The following ZC3HC1 variants were observed in gnomAD, a reference collection of about 807,000 sequenced individuals.
ZC3HC1 encodes zinc finger C3HC-type protein 1.
Under a neutral mutation model 61.9 loss-of-function variants are expected in ZC3HC1, and 38 were observed. The observed-to-expected ratio is 0.61, with a 90% CI of 0.47 to 0.81. ZC3HC1 has a LOEUF of 0.81. ZC3HC1 is among the 30% of genes least tolerant of loss of function. The pLI, the probability that ZC3HC1 is intolerant of heterozygous loss-of-function variation, is 0.00. For synonymous variants in ZC3HC1, 213 were observed against 229.9 expected, an observed-to-expected ratio of 0.93 and a Z score of 0.67; for missense variants, 554 against 622.7, an observed-to-expected ratio of 0.89 and a Z score of 1.17.
intron 4 of ZC3HC1, among the ~76,000 whole-genome samples, chr7:130,037,231 G>A (rs940908209): frequency 1.3e-5 from 2 of 152,186 alleles, no homozygotes; most frequent in African/African-American, 4.8e-5. Context: ...ATCACTTGAC[G>A]TCAGGAGTTC....
Position 130,023,513 on chromosome 7 carries a change from A to C in ZC3HC1, c.1231T>G (p.Ser411Ala), listed in dbSNP as rs1244160102. ...TGCTACATGCGAGGTGGACTCACCGAACTGCTGGAGGAGCAGAGGCGAGCT... is the reference window on the plus strand; with the variant it reads ...TGCTACATGCGAGGTGGACTCACCGCACTGCTGGAGGAGCAGAGGCGAGCT... ...KRARLCSSSS[S>A]DTSSRSFFDP... The change falls in exon 8 of 10, where the codon TCG (serine) becomes GCG (alanine). Residue 411 changes from serine to alanine, a missense_variant and splice_region_variant. By Grantham distance (99) the Ser-to-Ala change is moderately conservative. Coordinates refer to ENST00000358303, the MANE Select transcript of ZC3HC1 (RefSeq NM_016478.5). The surrounding 1 kb of genome is among the most constrained non-coding windows in gnomAD (Gnocchi z 4.2). 3.1e-6 allele frequency: 5 copies of C among 1,613,928 alleles called. No homozygotes were observed. Among genetic ancestry groups the C allele is most frequent in the Non-Finnish European group, 3.4e-6 (4 of 1,180,020 alleles).
intron 3 of ZC3HC1, 69 bp downstream of exon 3, chr7:130,040,882 C>A: frequency 7.0e-7 from 1 of 1,427,760 alleles, no homozygotes; most frequent in Admixed American, 2.6e-5. Flanking sequence ...ACCTTTTTTC[C>A]CCCCCCAGAA....
In ZC3HC1 at chr7:130,049,014, A is replaced by G; in HGVS notation, c.258+19T>C. 2 of 1,577,640 alleles carry G rather than the reference A, an allele frequency of 1.3e-6. No homozygotes were observed. Among genetic ancestry groups the G allele is most frequent in the Non-Finnish European group, 8.6e-7 (1 of 1,159,638 alleles). Reference sequence around the variant, plus strand: ...GAAGCAGGCAGAAAGTGCAATTCACATGAACTAAAAAAGGATATAGAAAAT... The same window carrying G: ...GAAGCAGGCAGAAAGTGCAATTCACGTGAACTAAAAAAGGATATAGAAAAT... On this transcript the variant is annotated intron_variant, in intron 2 of 9. Transcript: ENST00000358303.
intron 1 of ZC3HC1, among the ~76,000 whole-genome samples, chr7:130,050,840 C>T (rs1015788911): frequency 6.6e-6 from 1 of 152,052 alleles, no homozygotes. Context: ...CTTTATAATC[C>T]TATGTAATTT....
intron 6 of ZC3HC1, among the ~76,000 whole-genome samples, chr7:130,025,944 A>T (rs1793887682): frequency 6.6e-6 from 1 of 151,542 alleles, no homozygotes; most frequent in Admixed American, 6.6e-5. Flanking sequence ...AACAAAGTTC[A>T]GTTGTGAACA....
intron 6 of ZC3HC1, among the ~76,000 whole-genome samples, chr7:130,025,001 G>A (rs1011850682): frequency 1.5e-5 from 2 of 137,384 alleles, no homozygotes; most frequent in Admixed American, 8.4e-5. Context: ...CGCCTCCCAG[G>A]TTCAAGTGAT....
chr7:130,022,374 A>T lies in ZC3HC1; in HGVS notation c.1385T>A (p.Leu462Gln), dbSNP rs775295541. Residue 462 changes from leucine (L) to glutamine (Q), a missense_variant, in exon 9 of 10, where the codon CTG becomes CAG. By Grantham distance (113) the Leu-to-Gln change is moderately radical (BLOSUM62 -2). Coordinates refer to ENST00000358303, the MANE Select transcript of ZC3HC1 (RefSeq NM_016478.5). ...APAEPGWKAV[L>Q]TILLAHKQSS... is the part of the protein sequence containing the mutation. ...CTGTTTGTGCGCCAAGAGGATGGTC[A>T]GCACTGCTTTCCAGCCTGGCTCTGC... is the stretch of plus-strand genomic sequence containing the variant. The T allele has an allele frequency of 1.2e-6, 2 of 1,614,066 alleles. No individual in the cohort carries two copies. The highest frequency in any genetic ancestry group is 1.7e-4 in the Middle Eastern group (1 of 6,060).
intron 6 of ZC3HC1, among the ~76,000 whole-genome samples, chr7:130,025,000 G>A (rs1435948322): frequency 3.5e-5 from 5 of 143,038 alleles, no homozygotes; most frequent in Non-Finnish European, 7.5e-5. Flanking sequence ...CCGCCTCCCA[G>A]GTTCAAGTGA....
Position 130,040,986 on chromosome 7 carries a change from C to A in ZC3HC1, c.374G>T (p.Cys125Phe), listed in dbSNP as rs769749197. Residue 125 changes from cysteine (C) to phenylalanine (F), a missense_variant, in exon 3 of 10, where the codon TGT becomes TTT. By Grantham distance (205) the Cys-to-Phe change is radical. Coordinates refer to ENST00000358303, the MANE Select transcript of ZC3HC1 (RefSeq NM_016478.5). Reference protein sequence around the residue: ...LKCSSCQAFLCASLQPAFDFD... With the variant: ...LKCSSCQAFLFASLQPAFDFD... ...GTCAAAAGCTGGTTGTAAACTGGCA[C>A]AGAGAAAAGCTTGACAGCTAGAGCA... The A allele has an allele frequency of 6.2e-7, 1 of 1,612,704 alleles. No individual in the cohort carries two copies. Among genetic ancestry groups the A allele is most frequent in the South Asian group, 1.1e-5 (1 of 90,754 alleles).
chr7:130,036,114 T>G (rs1397748993), intron 4 of ZC3HC1, among the ~76,000 whole-genome samples: 3 of 138,844 alleles, frequency 2.2e-5, no homozygotes, highest in Non-Finnish European at 1.5e-5. Flanking sequence ...AATATGCCTG[T>G]TTTTTTTTTT....
At chr7:130,022,290 C>A (rs747637222) in intron 9 of ZC3HC1, 29 bp downstream of exon 9, 9 of 1,613,616 alleles carry the variant, frequency 5.6e-6, no homozygotes, top group Non-Finnish European at 7.6e-6. Context: ...GCAAGTGCTG[C>A]CCACACACAA....
At chr7:130,031,055 C>T (rs996035753) in intron 4 of ZC3HC1, among the ~76,000 whole-genome samples, 5 of 150,726 alleles carry the variant, frequency 3.3e-5, no homozygotes. Flanking sequence ...CCCAGCGGGG[C>T]GTGGTGGCTC....
At chr7:130,020,638 G>A (rs973702167) in intron 9 of ZC3HC1, among the ~76,000 whole-genome samples, 1 of 151,728 alleles carries the variant, frequency 6.6e-6, no homozygotes, top group Non-Finnish European at 1.5e-5. Context: ...CTTCGTCACA[G>A]CAGCTGTCAG....
intron 4 of ZC3HC1, 180 bp downstream of exon 4, chr7:130,039,284 C>T: frequency 1.7e-6 from 1 of 587,110 alleles, no homozygotes; most frequent in Non-Finnish European, 3.0e-6. Context: ...GCGAAGGTTG[C>T]AGTGAGCCAA....
chr7:130,033,430 C>T (rs1177075397), intron 4 of ZC3HC1, among the ~76,000 whole-genome samples: 1 of 145,282 alleles, frequency 6.9e-6, no homozygotes, highest in Non-Finnish European at 1.5e-5. Flanking sequence ...TTGTCTGTAG[C>T]ATTTCTATAG....
intron 2 of ZC3HC1, among the ~76,000 whole-genome samples, chr7:130,044,144 G>T (rs1156953371): frequency 2.0e-5 from 3 of 152,016 alleles, no homozygotes; most frequent in Non-Finnish European, 2.9e-5. Context: ...GAGAACAGTG[G>T]CATCCCACTA....
chr7:130,034,175 CTTT>C (rs769356635), intron 4 of ZC3HC1, among the ~76,000 whole-genome samples: 6 of 139,822 alleles, frequency 4.3e-5, no homozygotes, highest in African/African-American at 2.6e-5. Context: ...CTTTCATTTC[CTTT>C]TTTTTTTTTT....
At chr7:130,026,992 T>TAAAAAA (rs1563076366) in intron 5 of ZC3HC1, 1 of 146,102 alleles carries the variant, frequency 6.8e-6, no homozygotes. Context: ...AAAAAAAAAT[T>TAAAAAA]AAAGAAAAAA....
In ZC3HC1 at chr7:130,049,140, C is replaced by T. The variant is rs745911480; in HGVS notation, c.151G>A (p.Asp51Asn). ...APEEGGVDAK[D>N]TSATSQSVNG... ...ACTGACTGGGATGTGGCAGACGTGT[C>T]CTTCCTAATATAAAGTGGCAAAACT... is the stretch of plus-strand genomic sequence containing the variant. The change falls in exon 2 of 10, where the codon GAC (aspartate) becomes AAC (asparagine). Residue 51 changes from aspartate to asparagine, a missense_variant. Transcript: ENST00000358303. The T allele has an allele frequency of 1.3e-6, 2 of 1,593,754 alleles. No individual in the cohort carries two copies. The highest frequency in any genetic ancestry group is 8.5e-7 in the Non-Finnish European group (1 of 1,171,150).
Sources: gnomAD v4.1 joint callset for allele counts (sites outside exome capture counted in the v4.1 genomes callset) on GRCh38, gnomAD v4.1.1 for gene constraint, Gnocchi (gnomAD v3.1) non-coding constraint, MANE v1.5 for transcripts, NCBI Gene and HGNC (gene_info 2026-07-23, HGNC 2026-07-21) for gene names.